The following PSG5 variants were observed in gnomAD, a reference collection of about 807,000 sequenced individuals.
PSG5 encodes pregnancy-specific beta-1-glycoprotein 5.
A neutral mutation model predicts 37.7 loss-of-function variants in PSG5; 53 were observed. That is an observed-to-expected ratio of 1.41 (90% CI 1.13 to 1.77). The LOEUF (loss-of-function observed/expected upper bound fraction) is 1.77, where lower values mean the gene tolerates loss of function less well. PSG5 is among the 40% of genes most tolerant of loss of function. PSG5 has a pLI of 0.00. For missense variants in PSG5, 547 were observed against 405.2 expected (o/e 1.35, Z -3.00); for synonymous variants, 221 against 155.4 (o/e 1.42, Z -3.14).
intron 2 of PSG5, 66 bp from the exon 3 acceptor site, chr19:43,176,214 A>C: frequency 6.3e-7 from 1 of 1,580,288 alleles, no homozygotes; most frequent in South Asian, 1.2e-5. Context: ...GGCATCCTTC[A>C]ATCAGAGTTG....
At chr19:43,182,168 A>G (rs1415804273) in intron 2 of PSG5, among the ~76,000 whole-genome samples, 2 of 151,696 alleles carry the variant, frequency 1.3e-5, no homozygotes, top group Admixed American at 6.6e-5. Context: ...TCCTCCATGA[A>G]ACTAACAACC....
At position 43,186,339 on chromosome 19, in the gene PSG5, C is replaced by G. The variant is rs765391042; in HGVS notation, c.64+3G>C. The G allele has an allele frequency of 3.1e-6, 5 of 1,612,198 alleles. 1 individual carries two copies. The highest frequency in any genetic ancestry group is 4.2e-6 in the Non-Finnish European group (5 of 1,178,856). On this transcript the variant is annotated splice_donor_region_variant and intron_variant, in intron 1 of 5. Transcript: ENST00000342951. ...GTCCTCTCCCAGGAAGTTCTCTCCT[C>G]ACCTGTGAGCAGGAGCCCCTTCCAG...
chr19:43,173,388 A>G (rs1274240128), intron 4 of PSG5, among the ~76,000 whole-genome samples: 1 of 151,710 alleles, frequency 6.6e-6, no homozygotes, highest in African/African-American at 2.4e-5. Context: ...TTTATATATC[A>G]AAGAACATTA....
chr19:43,178,208 C>G (rs910080554), intron 2 of PSG5, among the ~76,000 whole-genome samples: 3 of 151,632 alleles, frequency 2.0e-5, no homozygotes, highest in Non-Finnish European at 4.4e-5. Flanking sequence ...ATTGCCAATG[C>G]TCCAGGGATC....
chr19:43,169,038 T>C (rs3950948), intron 5 of PSG5, among the ~76,000 whole-genome samples: 30,260 of 151,482 alleles, frequency 0.2, 3,780 homozygotes, highest in Non-Finnish European at 0.26. Context: ...TCTCCAGACC[T>C]TTAAACTGGA....
chr19:43,178,772 G>C lies in PSG5; in HGVS notation c.431-2624C>G, dbSNP rs145534521. ...AGTCATGGCCAGCTTTGATGTCCAG[G>C]GGTAAAGGTCTCTGTACTTGGACCT... On this transcript the variant is annotated intron_variant, in intron 2 of 5. Coordinates refer to ENST00000342951, the MANE Select transcript of PSG5 (RefSeq NM_002781.4). 12 of 1,606,634 alleles carry C rather than the reference G, an allele frequency of 7.5e-6. 1 individual carries two copies. In the South Asian group the frequency reaches 1.2e-4, roughly 16 times the overall value.
Position 43,175,642 on chromosome 19 carries a change from A to G in PSG5, c.710-173T>C, listed in dbSNP as rs1953241010. 4.3e-6 allele frequency: 6 copies of G among 1,393,784 alleles called. 1 individual carries two copies. The highest frequency in any genetic ancestry group is 1.4e-5 in the South Asian group (1 of 70,008). The allele number at this position is 1,393,784 out of a possible 1,614,324, so 86.3% of individuals were successfully genotyped here. A position where few individuals can be genotyped will look rare whatever the true frequency, so the allele number is the denominator to read the frequency against. On this transcript the variant is annotated intron_variant, in intron 3 of 5. Transcript: ENST00000342951. ...GAGGTATTCACCTGTTTCTCCCATC[A>G]CAAGCTATTGACACAAAGTCTCCCA...
chr19:43,172,139 T>C (rs181562053), intron 4 of PSG5, among the ~76,000 whole-genome samples: 28 of 151,460 alleles, frequency 1.8e-4, no homozygotes, highest in African/African-American at 6.3e-4. Flanking sequence ...CACAAAAATA[T>C]GAATAGAACT....
At chr19:43,180,342 G>A (rs1176127484) in intron 2 of PSG5, 6 of 151,548 alleles carry the variant, frequency 4.0e-5, no homozygotes, top group Non-Finnish European at 8.8e-5. Flanking sequence ...AAAACAAAGT[G>A]TTTTGGATTT....
rs1968825905 is a variant in PSG5 at position 43,168,119 on chromosome 19, T to A, written c.*125A>T. ...TTGTATTCAAGAGTCCTTGTCAGAG[T>A]CTTTTCCATAAATCTCCTTGAAGAA... On this transcript the variant is annotated 3_prime_UTR_variant, in exon 6 of 6. Transcript: ENST00000342951. 1 of 444,046 alleles carries A rather than the reference T, an allele frequency of 2.3e-6. No homozygotes were observed. The highest frequency in any genetic ancestry group is 9.3e-5 in the South Asian group (1 of 10,750). The allele number at this position is 444,046 out of a possible 1,614,324, so 27.5% of individuals were successfully genotyped here.
chr19:43,170,236 G>A (rs1158858898), intron 4 of PSG5, 98 bp from the exon 5 acceptor site: 10 of 1,077,046 alleles, frequency 9.3e-6, no homozygotes, highest in African/African-American at 4.9e-5. Flanking sequence ...CTCTATAATT[G>A]TTTCTTCAAG....
intron 4 of PSG5, chr19:43,171,118 G>T (rs942129466): frequency 2.0e-5 from 3 of 151,566 alleles, no homozygotes; most frequent in African/African-American, 7.3e-5. Context: ...TTTCCACTTT[G>T]CTGATGAAAA....
At chr19:43,176,550 T>C (rs1197709812) in intron 2 of PSG5, among the ~76,000 whole-genome samples, 1 of 151,582 alleles carries the variant, frequency 6.6e-6, no homozygotes, top group Non-Finnish European at 1.5e-5. Context: ...TATATGTGAT[T>C]TCTCTGCAGC....
In PSG5 at chr19:43,176,085, A is replaced by C; in HGVS notation, c.494T>G (p.Leu165Ter). ...NSKPRENKDV[L>*]AFTCEPKSEN... is the part of the protein sequence containing the mutation. The stretch of plus-strand genomic sequence containing the variant: ...ACTCTTAGGTTCACAGGTGAAGGCT[A>C]AGACATCCTTATTCTCCCTGGGTTT... The change falls in exon 3 of 6, where the codon TTA becomes TGA. Residue 165 changes from leucine (L) to a stop codon, truncating the protein, a stop_gained. Transcript: ENST00000342951. LOFTEE classifies it high-confidence loss of function. 2 of 1,611,156 alleles carry C rather than the reference A, an allele frequency of 1.2e-6. No homozygotes were observed. Among genetic ancestry groups the C allele is most frequent in the South Asian group, 1.1e-5 (1 of 90,982 alleles).
chr19:43,181,708 C>T (rs544319381), intron 2 of PSG5, among the ~76,000 whole-genome samples: 1 of 151,920 alleles, frequency 6.6e-6, no homozygotes, highest in African/African-American at 2.4e-5. Flanking sequence ...CCGCCTCGGC[C>T]TCCCAAAGTC....
At chr19:43,185,586 T>C (rs1454716527) in intron 1 of PSG5, among the ~76,000 whole-genome samples, 2 of 151,322 alleles carry the variant, frequency 1.3e-5, no homozygotes, top group Non-Finnish European at 2.9e-5. Flanking sequence ...CCTCACATTC[T>C]AGATCTCTTT....
chr19:43,184,184 A>G (rs1228372809), intron 2 of PSG5, among the ~76,000 whole-genome samples: 1 of 151,256 alleles, frequency 6.6e-6, no homozygotes, highest in Non-Finnish European at 1.5e-5. Flanking sequence ...TGTCCTCTCC[A>G]CTCTGAGTGT....
Position 43,184,777 on chromosome 19 carries a change from C to A in PSG5, c.430+5G>T. ...AACACCCAGGGATCATGTGGAATCA[C>A]TCACGGTATAAGTTGAAGGTGAAAT... On this transcript the variant is annotated splice_donor_5th_base_variant and intron_variant, in intron 2 of 5. Coordinates refer to ENST00000342951, the MANE Select transcript of PSG5 (RefSeq NM_002781.4). 2 of 1,612,032 alleles carry A rather than the reference C, an allele frequency of 1.2e-6. No individual in the cohort carries two copies.
intron 4 of PSG5, among the ~76,000 whole-genome samples, chr19:43,172,003 A>G (rs954884265): frequency 4.7e-5 from 7 of 150,388 alleles, no homozygotes; most frequent in Non-Finnish European, 1.0e-4. Context: ...AAAAAAGAAA[A>G]AGAAAGAAAG....
Sources: gnomAD v4.1 joint callset for allele counts (sites outside exome capture counted in the v4.1 genomes callset) on GRCh38, gnomAD v4.1.1 for gene constraint, MANE v1.5 for transcripts, NCBI Gene and HGNC (gene_info 2026-07-23, HGNC 2026-07-21) for gene names.